CELSR1: variants seen among roughly 807,000 people sequenced by gnomAD.
CELSR1 encodes the protein cadherin EGF LAG seven-pass G-type receptor 1.
CELSR1 carries 110 observed loss-of-function variants against 249.1 expected under a neutral mutation model. The ratio of observed to expected loss-of-function variants is 0.44; its 90% confidence interval spans 0.38 to 0.52. The LOEUF is 0.52. Among genes scored for constraint, CELSR1 ranks in the 20% least tolerant of loss-of-function variants. The probability of loss-of-function intolerance (pLI) is 0.00; values close to 1 mark genes in which losing one functional copy is unlikely to be tolerated. For missense variants in CELSR1, 4,109 were observed against 4,296.4 expected (o/e 0.96, Z 1.22); for synonymous variants, 2,113 against 1,900.0 (o/e 1.11, Z -2.92).
intron 32 of CELSR1, 83 bp downstream of exon 32, chr22:46,365,148 G>T: frequency 6.6e-7 from 1 of 1,504,998 alleles, no homozygotes; most frequent in Middle Eastern, 2.4e-4. Context: ...TATCCTGGGA[G>T]GAAGGGACCC....
At chr22:46,491,660 G>A (rs1487207060) in intron 1 of CELSR1, among the ~76,000 whole-genome samples, 1 of 140,422 alleles carries the variant, frequency 7.1e-6, no homozygotes, top group East Asian at 2.2e-4. Context: ...TTTTAGACAG[G>A]GTGTTATTCT....
At chr22:46,376,880 T>C (rs554266724) in intron 24 of CELSR1, among the ~76,000 whole-genome samples, 181 bp downstream of exon 24, 5 of 151,066 alleles carry the variant, frequency 3.3e-5, no homozygotes, top group African/African-American at 1.2e-4. Flanking sequence ...GGCCTGCCAG[T>C]GAATCCCACA....
Position 46,390,406 on chromosome 22 carries a change from C to T in CELSR1, c.6331G>A (p.Asp2111Asn), listed in dbSNP as rs1463403717. ...GGCGCCCCTACCATGGCCCTGAGGT[C>T]CACGAAGGAGATGGTGGTACAGTTA... ...LFNCTTISFV[D>N]LRAMNEKLSR... is the part of the protein sequence containing the mutation. Residue 2111 changes from aspartate (D) to asparagine (N), a missense_variant, in exon 17 of 35, where the codon GAC becomes AAC. By Grantham distance (23) the Asp-to-Asn change is conservative (BLOSUM62 1). Around this residue, in one of 7 missense-constraint regions of CELSR1, gnomAD observed 1,805 missense variants for 1,831.6 expected, o/e 0.99. Coordinates refer to ENST00000674500, the MANE Select transcript of CELSR1 (RefSeq NM_001378328.1). This position sits in a 1 kb window ranked among gnomAD's most constrained non-coding sequence, Gnocchi z 6.3. The T allele has an allele frequency of 1.2e-6, 2 of 1,613,320 alleles. No individual in the cohort carries two copies. The highest frequency in any genetic ancestry group is 1.7e-6 in the Non-Finnish European group (2 of 1,179,742).
Position 46,446,294 on chromosome 22 carries a change from C to T in CELSR1, c.4184-6883G>A, listed in dbSNP as rs950915098. 2.0e-5 allele frequency among the ~76,000 whole-genome samples: 3 copies of T among 152,226 alleles called. No individual in the cohort carries two copies. Among genetic ancestry groups the T allele is most frequent in the African/African-American group, 7.2e-5 (3 of 41,452 alleles). On this transcript the variant is annotated intron_variant, in intron 2 of 34. Transcript: ENST00000674500. This position sits in a 1 kb window ranked among gnomAD's most constrained non-coding sequence, Gnocchi z 5.5. ...TCCAGTGCCTGGAGGCCACCCGCATCCCCTGGCTGTACCTGTCCTCTGCCT... is the reference window on the plus strand; with the variant it reads ...TCCAGTGCCTGGAGGCCACCCGCATTCCCTGGCTGTACCTGTCCTCTGCCT...
chr22:46,394,261 G>A lies in CELSR1; in HGVS notation c.5845C>T (p.Leu1949Phe), dbSNP rs2079125357. ...CAGCCTCTGGGGCACGGAAGGTCGAGTCTGTGGGGAAAATAAGAGGGCAGC... is the reference window on the plus strand; with the variant it reads ...CAGCCTCTGGGGCACGGAAGGTCGAATCTGTGGGGAAAATAAGAGGGCAGC... ...SHYGPYCENK[L>F]DLPCPRGWWG... is the part of the protein sequence containing the mutation. Residue 1949 changes from leucine (L) to phenylalanine (F), a missense_variant and splice_region_variant, in exon 14 of 35, where the codon CTC becomes TTC. Leu to Phe is a conservative substitution (Grantham distance 22, BLOSUM62 0). Coordinates refer to ENST00000674500, the MANE Select transcript of CELSR1 (RefSeq NM_001378328.1). 2 of 1,612,474 alleles carry A rather than the reference G, an allele frequency of 1.2e-6. No individual in the cohort carries two copies. The highest frequency in any genetic ancestry group is 1.7e-5 in the Admixed American group (1 of 59,844).
rs759714586 is a variant in CELSR1, at chr22:46,398,495, T to TC, written c.5526+28dup. 10 of 1,506,036 alleles carry TC rather than the reference T, an allele frequency of 6.6e-6. No homozygotes were observed. Among genetic ancestry groups the TC allele is most frequent in the Admixed American group, 1.9e-5 (1 of 53,594 alleles). The allele number at this position is 1,506,036 out of a possible 1,614,324, so 93.3% of individuals were successfully genotyped here. ...CGGAGCTGCCTGTGAGGGGCAGGCC[T>TC]CCCCCCGCCCCCCACAACCCCCACG... On this transcript the variant is annotated intron_variant, in intron 11 of 34. Transcript: ENST00000674500. The surrounding 1 kb of genome is among the most constrained non-coding windows in gnomAD (Gnocchi z 7.2).
At chr22:46,367,878 C>T (rs1602025554) in intron 27 of CELSR1, 23 bp from the exon 28 acceptor site, 3 of 1,598,874 alleles carry the variant, frequency 1.9e-6, no homozygotes, top group South Asian at 2.3e-5. Flanking sequence ...AGGATCAGGC[C>T]TGTGCCCATC....
At chr22:46,469,051 G>A (rs544844040) in intron 1 of CELSR1, among the ~76,000 whole-genome samples, 13 of 152,234 alleles carry the variant, frequency 8.5e-5, no homozygotes, top group African/African-American at 2.9e-4. Flanking sequence ...ACTCCAGCCT[G>A]GGGGACAGAG....
chr22:46,498,186 T>A (rs1602213522), intron 1 of CELSR1, among the ~76,000 whole-genome samples: 1 of 131,142 alleles, frequency 7.6e-6, no homozygotes, highest in African/African-American at 3.0e-5. Flanking sequence ...GAGGTGGAGG[T>A]TGCAATGAGC....
chr22:46,364,666 G>GTCC lies in CELSR1; in HGVS notation c.8622_8624dup (p.Glu2874dup). 6.2e-7 allele frequency: 1 copy of GTCC among 1,612,646 alleles called. No individual in the cohort carries two copies. The highest frequency in any genetic ancestry group is 8.5e-7 in the Non-Finnish European group (1 of 1,179,896). On this transcript the variant is annotated inframe_insertion, in exon 33 of 35. Coordinates refer to ENST00000674500, the MANE Select transcript of CELSR1 (RefSeq NM_001378328.1). ...CCTTCAGGCGGGGCTTGCCGCTGGGGTCCTCACTGTCACTCTCAGCCAGGC... is the reference window on the plus strand; with the variant it reads ...CCTTCAGGCGGGGCTTGCCGCTGGGGTCCTCCTCACTGTCACTCTCAGCCAGGC...
In CELSR1 at chr22:46,433,518, G is replaced by A; in HGVS notation, c.4523-37C>T. 1 of 1,556,992 alleles carries A rather than the reference G, an allele frequency of 6.4e-7. No individual in the cohort carries two copies. The highest frequency in any genetic ancestry group is 8.8e-7 in the Non-Finnish European group (1 of 1,133,036). ...GAGGGAGACCCAGAGAGAAAACAGG[G>A]GTTGGCGGGGCCTACTGGGGACCGA... On this transcript the variant is annotated intron_variant, in intron 4 of 34. Transcript: ENST00000674500. This position sits in a 1 kb window ranked among gnomAD's most constrained non-coding sequence, Gnocchi z 5.7.
chr22:46,401,623 C>A lies in CELSR1; in HGVS notation c.5227-1721G>T, dbSNP rs747183207. On this transcript the variant is annotated intron_variant, in intron 9 of 34. Transcript: ENST00000674500. This position sits in a 1 kb window ranked among gnomAD's most constrained non-coding sequence, Gnocchi z 4.7. ...GGTGGTACGACGCTCCATCAGTCGC[C>A]TGTGACCTAGAGTCTCAAGATGCCT... 6.6e-6 allele frequency among the ~76,000 whole-genome samples: 1 copy of A among 152,216 alleles called. No individual in the cohort carries two copies. Among genetic ancestry groups the A allele is most frequent in the Non-Finnish European group, 1.5e-5 (1 of 68,052 alleles).
intron 2 of CELSR1, among the ~76,000 whole-genome samples, chr22:46,456,631 T>TC (rs1252202060): frequency 1.5e-5 from 2 of 132,462 alleles, no homozygotes; most frequent in Non-Finnish European, 3.1e-5. Flanking sequence ...CCGCTGCACT[T>TC]CAGCCTGGGC....
Position 46,373,074 on chromosome 22 carries a change from C to T in CELSR1, c.7585-17G>A, listed in dbSNP as rs781163356. 2.9e-5 allele frequency: 45 copies of T among 1,572,158 alleles called. No individual in the cohort carries two copies. The highest frequency in any genetic ancestry group is 3.6e-5 in the Admixed American group (2 of 55,700). ...GCACAGAAACTGCGCAGGGAGGGGC[C>T]GCTCAGCAAGGGCCCCTGCATCCCA... is the stretch of plus-strand genomic sequence containing the variant. On this transcript the variant is annotated splice_polypyrimidine_tract_variant and intron_variant, in intron 24 of 34. Transcript: ENST00000674500.
intron 1 of CELSR1, among the ~76,000 whole-genome samples, chr22:46,510,306 C>T (rs1438538919): frequency 6.6e-6 from 1 of 152,184 alleles, no homozygotes; most frequent in Admixed American, 6.5e-5. Flanking sequence ...CCAGAACACA[C>T]CCCCTTCCTG....
chr22:46,389,662 T>TC (rs1282973198), intron 17 of CELSR1, among the ~76,000 whole-genome samples, 163 bp from the exon 18 acceptor site: 1 of 152,252 alleles, frequency 6.6e-6, no homozygotes, highest in Non-Finnish European at 1.5e-5. Context: ...ACGCCTGTAA[T>TC]CCCAGCACTT....
chr22:46,394,002 G>C, intron 14 of CELSR1, 140 bp downstream of exon 14: 1 of 1,132,302 alleles, frequency 8.8e-7, no homozygotes, highest in Non-Finnish European at 1.2e-6. Context: ...ACACAAATGT[G>C]ATGTGAGTGG....
At chr22:46,461,774 G>T (rs1006204896) in intron 2 of CELSR1, among the ~76,000 whole-genome samples, 1 of 152,252 alleles carries the variant, frequency 6.6e-6, no homozygotes, top group African/African-American at 2.4e-5. Context: ...CCTTTCCAGG[G>T]ACCCGCGGCC....
chr22:46,397,478 A>C (rs557662920), intron 12 of CELSR1, among the ~76,000 whole-genome samples, 196 bp downstream of exon 12: 2 of 151,516 alleles, frequency 1.3e-5, no homozygotes, highest in South Asian at 4.2e-4. Flanking sequence ...CGCCTGGGGC[A>C]CTCTGTGCCT....
Sources: allele counts gnomAD v4.1 joint callset (sites outside exome capture counted in the v4.1 genomes callset), GRCh38; gene constraint gnomAD v4.1.1; regional missense constraint gnomAD v4.1.1; non-coding constraint Gnocchi (gnomAD v3.1); transcripts MANE v1.5; gene names NCBI Gene and HGNC (gene_info 2026-07-23, HGNC 2026-07-21).